The following SOCS6 variants were observed in gnomAD, a reference collection of about 807,000 sequenced individuals.
SOCS6 encodes STAT induced STAT inhibitor-4.
In SOCS6, 5 loss-of-function variants were observed where a neutral mutation model predicts 27.7. That is an observed-to-expected ratio of 0.18 (90% CI 0.09 to 0.38). The LOEUF is 0.38. SOCS6 is among the 10% of genes least tolerant of loss of function. The probability of loss-of-function intolerance (pLI) is 1.00; values close to 1 mark genes in which losing one functional copy is unlikely to be tolerated. For missense variants in SOCS6, 595 were observed against 688.1 expected (o/e 0.86, Z 1.51); for synonymous variants, 271 against 260.0 (o/e 1.04, Z -0.41).
At position 70,325,380 on chromosome 18, in the gene SOCS6, C is replaced by T; in HGVS notation, c.712C>T (p.Arg238Trp). The change falls in exon 2 of 2, where the codon CGG becomes TGG. Residue 238 changes from arginine to tryptophan, a missense_variant. Transcript: ENST00000397942. This position sits in a 1 kb window ranked among gnomAD's most constrained non-coding sequence, Gnocchi z 6.3. ...DEGMYPLEGS[R>W]SYCLDSSSPM... ...GGGGATGTATCCTTTGGAAGGATCA[C>T]GGAGCTATTGTCTGGACAGCTCTTC... 3.1e-6 allele frequency: 5 copies of T among 1,614,154 alleles called. No homozygotes were observed. The highest frequency in any genetic ancestry group is 4.5e-5 in the East Asian group (2 of 44,884).
intron 1 of SOCS6, among the ~76,000 whole-genome samples, chr18:70,292,077 A>G (rs879458196): frequency 1.3e-5 from 2 of 152,190 alleles, no homozygotes; most frequent in Non-Finnish European, 2.9e-5. Flanking sequence ...TTACCCACCC[A>G]TACAAACCTT....
chr18:70,313,045 G>C (rs974103755), intron 1 of SOCS6, among the ~76,000 whole-genome samples: 2 of 152,148 alleles, frequency 1.3e-5, no homozygotes, highest in African/African-American at 4.8e-5. Flanking sequence ...CTCCCAAAGT[G>C]CTGGGATTAC....
chr18:70,319,383 C>T (rs1910891267), intron 1 of SOCS6, among the ~76,000 whole-genome samples: 1 of 152,070 alleles, frequency 6.6e-6, no homozygotes, highest in South Asian at 2.1e-4. Context: ...TCTTTTTGTT[C>T]TCTTAAATTG....
intron 1 of SOCS6, 31 bp from the exon 2 acceptor site, chr18:70,324,512 A>T: frequency 1.8e-6 from 1 of 561,686 alleles, no homozygotes. Flanking sequence ...ATATTTTTTA[A>T]TATGACTCTT....
At chr18:70,313,940 T>G (rs1000641153) in intron 1 of SOCS6, among the ~76,000 whole-genome samples, 7 of 152,240 alleles carry the variant, frequency 4.6e-5, no homozygotes, top group African/African-American at 1.7e-4. Context: ...GAGAACAAGA[T>G]GTGTCTATGT....
intron 1 of SOCS6, among the ~76,000 whole-genome samples, chr18:70,321,870 G>A (rs763594114): frequency 1.3e-5 from 2 of 152,096 alleles, no homozygotes; most frequent in Non-Finnish European, 2.9e-5. Flanking sequence ...GTAGCAAATT[G>A]TTTAACTTTG....
chr18:70,310,527 T>TG (rs2062386759), intron 1 of SOCS6, among the ~76,000 whole-genome samples: 1 of 149,878 alleles, frequency 6.7e-6, no homozygotes, highest in South Asian at 2.1e-4. Context: ...AGGCTGGTCT[T>TG]GAACTCCTGG....
intron 1 of SOCS6, among the ~76,000 whole-genome samples, chr18:70,293,624 A>G (rs886423966): frequency 2.0e-5 from 3 of 152,294 alleles, no homozygotes; most frequent in Middle Eastern, 3.4e-3. Context: ...AAAGCCAGAG[A>G]CTTAGAAGCC....
At position 70,325,680 on chromosome 18, in the gene SOCS6, G is replaced by A. The variant is rs772408100; in HGVS notation, c.1012G>A (p.Glu338Lys). 1 of 1,614,200 alleles carries A rather than the reference G, an allele frequency of 6.2e-7. No homozygotes were observed. Among genetic ancestry groups the A allele is most frequent in the African/African-American group, 1.3e-5 (1 of 75,058 alleles). Residue 338 changes from glutamate (E) to lysine (K), a missense_variant, in exon 2 of 2, where the codon GAA (glutamate) becomes AAA (lysine). Physicochemically the swap from Glu to Lys is moderately conservative, Grantham distance 56. Coordinates refer to ENST00000397942, the MANE Select transcript of SOCS6 (RefSeq NM_004232.4). The surrounding 1 kb of genome is among the most constrained non-coding windows in gnomAD (Gnocchi z 6.3). ...GLTGTEAHVA[E>K]SMRCHLNFDP... ...CACTGGCACAGAAGCCCACGTGGCT[G>A]AAAGTATGCGCTGTCATTTGAATTT...
intron 1 of SOCS6, among the ~76,000 whole-genome samples, chr18:70,292,489 A>T (rs1568594901): frequency 6.6e-6 from 1 of 152,152 alleles, no homozygotes; most frequent in Non-Finnish European, 1.5e-5. Context: ...TGGGACCACA[A>T]GTGCATGCCA....
intron 1 of SOCS6, among the ~76,000 whole-genome samples, chr18:70,302,928 A>G (rs369648936): frequency 2.0e-5 from 3 of 152,344 alleles, no homozygotes; most frequent in East Asian, 1.9e-4. Context: ...TTTGTTTGGC[A>G]GTCATGGTAT....
chr18:70,300,974 C>T (rs1468964712), intron 1 of SOCS6, among the ~76,000 whole-genome samples: 1 of 152,198 alleles, frequency 6.6e-6, no homozygotes. Context: ...GAAGTCAAAG[C>T]AACTGTATTC....
intron 1 of SOCS6, among the ~76,000 whole-genome samples, chr18:70,312,867 G>C (rs542657247): frequency 6.9e-6 from 1 of 145,306 alleles, no homozygotes; most frequent in African/African-American, 2.5e-5. Flanking sequence ...TCCGCCTCCC[G>C]GGTTCAAGCA....
chr18:70,293,165 G>A (rs2062307638), intron 1 of SOCS6, among the ~76,000 whole-genome samples: 1 of 152,062 alleles, frequency 6.6e-6, no homozygotes, highest in South Asian at 2.1e-4. Flanking sequence ...TATACAGAAA[G>A]TAGTTGCGGT....
chr18:70,298,299 T>C (rs989797525), intron 1 of SOCS6, among the ~76,000 whole-genome samples: 1 of 152,202 alleles, frequency 6.6e-6, no homozygotes, highest in Non-Finnish European at 1.5e-5. Flanking sequence ...GGTCATTCTT[T>C]TTCATAGACA....
chr18:70,325,215 A>G lies in SOCS6; in HGVS notation c.547A>G (p.Thr183Ala), dbSNP rs201387242. ...TTTCCACGACCTCCAGTCTGAGACC[A>G]CGTGCCAGGAGCAAGCCAATTCACT... ...KDFHDLQSET[T>A]CQEQANSLKS... Residue 183 changes from threonine to alanine, a missense_variant, in exon 2 of 2, where the codon ACG (threonine) becomes GCG (alanine). By Grantham distance (58) the Thr-to-Ala change is moderately conservative. Transcript: ENST00000397942. The surrounding 1 kb of genome is among the most constrained non-coding windows in gnomAD (Gnocchi z 6.3). The G allele has an allele frequency of 1.3e-5, 21 of 1,614,142 alleles. No individual in the cohort carries two copies. In the South Asian group the frequency reaches 2.1e-4, roughly 16 times the overall value.
chr18:70,292,107 C>A (rs575262561), intron 1 of SOCS6, among the ~76,000 whole-genome samples: 8 of 152,206 alleles, frequency 5.3e-5, no homozygotes, highest in Admixed American at 2.6e-4. Flanking sequence ...TTCGTTGGGG[C>A]AGTTGTTTTT....
Position 70,306,182 on chromosome 18 carries a change from A to G in SOCS6, c.-127+17092A>G, listed in dbSNP as rs141804814. Among the ~76,000 whole-genome samples, 1,268 of 152,226 alleles carry G rather than the reference A, an allele frequency of 8.3e-3. 23 individuals are homozygous for G. Among genetic ancestry groups the G allele is most frequent in the African/African-American group, 0.029 (1,190 of 41,514 alleles). On this transcript the variant is annotated intron_variant, in intron 1 of 1. Coordinates refer to ENST00000397942, the MANE Select transcript of SOCS6 (RefSeq NM_004232.4). ...GAGGTCGAGGCTGCAGTGAGCTGTG[A>G]TCATGCCACTGCACCCCAGCCTGGT...
intron 1 of SOCS6, among the ~76,000 whole-genome samples, chr18:70,314,395 C>A (rs1192656828): frequency 6.6e-6 from 1 of 152,090 alleles, no homozygotes; most frequent in African/African-American, 2.4e-5. Context: ...TATGATGAAC[C>A]GAGTGTGTAA....
Sources: gnomAD v4.1 joint callset for allele counts (sites outside exome capture counted in the v4.1 genomes callset) on GRCh38, gnomAD v4.1.1 for gene constraint, Gnocchi (gnomAD v3.1) non-coding constraint, MANE v1.5 for transcripts, NCBI Gene and HGNC (gene_info 2026-07-23, HGNC 2026-07-21) for gene names.